Variants in UNC80 observed in about 807,000 individuals in gnomAD.
UNC80 encodes protein unc-80 homolog.
Under a neutral mutation model 384.6 loss-of-function variants are expected in UNC80, and 164 were observed. The ratio of observed to expected loss-of-function variants is 0.43; its 90% CI spans 0.38 to 0.49. UNC80 has a LOEUF of 0.49. Among genes scored for constraint, UNC80 ranks in the 20% least tolerant of loss-of-function variants. UNC80 has a pLI of 0.00. For missense variants in UNC80, 3,330 were observed against 4,143.0 expected (o/e 0.80, Z 5.39); for synonymous variants, 1,486 against 1,527.8 (o/e 0.97, Z 0.64).
chr2:209,982,057 T>TA, intron 59 of UNC80, 122 bp from the exon 60 acceptor site: 2 of 924,882 alleles, frequency 2.2e-6, no homozygotes. Context: ...AATGATAATT[T>TA]AGATTTACAC....
In UNC80 at chr2:209,944,791, G is replaced by A. The variant is rs147606670; in HGVS notation, c.7051-260G>A. On this transcript the variant is annotated intron_variant, in intron 45 of 64. Coordinates refer to ENST00000673920, the MANE Select transcript of UNC80 (RefSeq NM_001371986.1). ...AACCATTGATATGAACTTTTTGGAA[G>A]TTCATATATCGCTGTATTTTTGTGA... 3.3e-5 allele frequency among the ~76,000 whole-genome samples: 5 copies of A among 152,152 alleles called. No homozygotes were observed. The East Asian group carries it at 9.7e-4, about 29-fold the overall frequency.
At chr2:209,971,349 A>C (rs2125012360) in intron 54 of UNC80, among the ~76,000 whole-genome samples, 1 of 151,976 alleles carries the variant, frequency 6.6e-6, no homozygotes, top group South Asian at 2.1e-4. Context: ...TTATCACTAG[A>C]CTTTGAATAT....
chr2:209,813,514 C>A, intron 7 of UNC80, 66 bp from the exon 8 acceptor site: 1 of 1,467,066 alleles, frequency 6.8e-7, no homozygotes, highest in Non-Finnish European at 9.2e-7. Context: ...AGCTATAAGC[C>A]ATGCTGTGCT....
intron 49 of UNC80, 96 bp from the exon 50 acceptor site, chr2:209,959,023 T>C (rs532184634): frequency 9.9e-7 from 1 of 1,007,012 alleles, no homozygotes; most frequent in South Asian, 1.4e-5. Context: ...AATGTATAGC[T>C]TCAAGGGCTT....
chr2:209,941,633 C>T (rs2091638884), intron 44 of UNC80, 144 bp downstream of exon 44: 3 of 1,027,356 alleles, frequency 2.9e-6, no homozygotes, highest in Admixed American at 3.4e-5. Context: ...ATGAAATCCC[C>T]CCATAAATTT....
In UNC80 at chr2:209,791,774, C is replaced by T. The variant is rs182816194; in HGVS notation, c.799-1946C>T. 2.8e-3 allele frequency among the ~76,000 whole-genome samples: 341 copies of T among 120,066 alleles called. 5 individuals carry two copies. The highest frequency in any genetic ancestry group is 1.3e-3 in the Non-Finnish European group (82 of 62,222). 78.8% of individuals were successfully genotyped at this position (120,066 alleles called of 152,430 possible). A position where few individuals can be genotyped will look rare whatever the true frequency, so the allele number is the denominator to read the frequency against. ...GGTGGAGCTTGCAGTGAGCTGAGAT[C>T]GTGCCACTGCACTCCAGCCTGGGCG... is the stretch of plus-strand genomic sequence containing the variant. On this transcript the variant is annotated intron_variant, in intron 6 of 64. Coordinates refer to ENST00000673920, the MANE Select transcript of UNC80 (RefSeq NM_001371986.1).
At chr2:209,850,374 T>C (rs1205493866) in intron 22 of UNC80, among the ~76,000 whole-genome samples, 1 of 152,112 alleles carries the variant, frequency 6.6e-6, no homozygotes. Flanking sequence ...TATTTTAACT[T>C]TTAAAGAAGA....
intron 34 of UNC80, among the ~76,000 whole-genome samples, chr2:209,922,037 TTCTC>T (rs2090075939): frequency 6.6e-6 from 1 of 152,226 alleles, no homozygotes; most frequent in Admixed American, 6.5e-5. Flanking sequence ...AATTGAGTGA[TTCTC>T]TGTCCTGCTT....
intron 37 of UNC80, among the ~76,000 whole-genome samples, chr2:209,930,515 C>G (rs1002476084): frequency 7.2e-5 from 11 of 152,148 alleles, no homozygotes; most frequent in Non-Finnish European, 1.5e-4. Flanking sequence ...AATCTAGTCT[C>G]TTGTAACCTC....
intron 29 of UNC80, among the ~76,000 whole-genome samples, chr2:209,909,148 G>A (rs964019760): frequency 6.6e-6 from 1 of 152,140 alleles, no homozygotes; most frequent in Non-Finnish European, 1.5e-5. Flanking sequence ...CTCTAGGAGT[G>A]CAGGCACCTA....
chr2:209,878,482 A>G (rs1276600773), intron 24 of UNC80, among the ~76,000 whole-genome samples: 3 of 152,176 alleles, frequency 2.0e-5, no homozygotes, highest in African/African-American at 7.2e-5. Context: ...ACAAAATCAG[A>G]CCAAATAAAA....
chr2:209,783,199 TGTACTTACACTTCTG>T (rs1423156554), intron 4 of UNC80, among the ~76,000 whole-genome samples: 1 of 152,202 alleles, frequency 6.6e-6, no homozygotes, highest in Non-Finnish European at 1.5e-5. Context: ...TGCCTCTACG[TGTACTTACACTTCTG>T]GTTTTCTCAG....
rs1440789012 is a variant in UNC80 at position 209,918,521 on chromosome 2, T to A, written c.5212-11T>A. The A allele has an allele frequency of 6.4e-7, 1 of 1,550,684 alleles. No individual in the cohort carries two copies. Among genetic ancestry groups the A allele is most frequent in the South Asian group, 1.2e-5 (1 of 83,970 alleles). On this transcript the variant is annotated splice_polypyrimidine_tract_variant and intron_variant, in intron 32 of 64. Transcript: ENST00000673920. ...TCCCTCTCACCTAATTTTTCTGATG[T>A]CAACTAACAGATTCCGCCTCCCAGT...
In UNC80 at chr2:209,921,483, C is replaced by G. The variant is rs552998183; in HGVS notation, c.5344-17C>G. On this transcript the variant is annotated splice_polypyrimidine_tract_variant and intron_variant, in intron 33 of 64. Coordinates refer to ENST00000673920, the MANE Select transcript of UNC80 (RefSeq NM_001371986.1). ...GAAGAATTGCTATTAAATGAACTTG[C>G]CTTTATGTCTCCACAGAAATCCTTT... 3.9e-6 allele frequency: 6 copies of G among 1,538,678 alleles called. No individual in the cohort carries two copies. The highest frequency in any genetic ancestry group is 4.1e-5 in the Admixed American group (2 of 48,380).
At chr2:209,784,014 T>C (rs2077289125) in intron 4 of UNC80, among the ~76,000 whole-genome samples, 1 of 152,144 alleles carries the variant, frequency 6.6e-6, no homozygotes, top group South Asian at 2.1e-4. Context: ...ACTTAACATG[T>C]CTAAAACTAG....
intron 61 of UNC80, among the ~76,000 whole-genome samples, chr2:209,985,900 A>G (rs2093276969): frequency 6.6e-6 from 1 of 151,932 alleles, no homozygotes; most frequent in Admixed American, 6.6e-5. Flanking sequence ...TTCAGATTTC[A>G]CATTTTCTTT....
intron 51 of UNC80, among the ~76,000 whole-genome samples, chr2:209,964,014 A>G (rs565763873): frequency 6.6e-5 from 10 of 152,350 alleles, no homozygotes; most frequent in African/African-American, 2.2e-4. Context: ...ATTGTAGAAC[A>G]ATCTAAATAA....
intron 18 of UNC80, among the ~76,000 whole-genome samples, chr2:209,836,290 G>T: frequency 6.6e-6 from 1 of 152,112 alleles, no homozygotes; most frequent in East Asian, 1.9e-4. Flanking sequence ...TCTGTGACTA[G>T]CCATGAGACT....
chr2:209,845,291 C>T (rs2082095857), intron 21 of UNC80: 1 of 152,110 alleles, frequency 6.6e-6, no homozygotes, highest in African/African-American at 2.4e-5. Flanking sequence ...TTCATTGTAG[C>T]TGACCTGATT....
Sources: gnomAD v4.1 joint callset for allele counts (sites outside exome capture counted in the v4.1 genomes callset) on GRCh38, gnomAD v4.1.1 for gene constraint, MANE v1.5 for transcripts, NCBI Gene and HGNC (gene_info 2026-07-23, HGNC 2026-07-21) for gene names.